Variants in NLGN1 observed in about 807,000 individuals in gnomAD.
The protein encoded by NLGN1 is neuroligin 1.
A neutral mutation model predicts 65.5 loss-of-function variants in NLGN1; 12 were observed. The ratio of observed to expected loss-of-function variants is 0.18; its 90% CI spans 0.12 to 0.30. The LOEUF (loss-of-function observed/expected upper bound fraction) is 0.30, where lower values mean the gene tolerates loss of function less well. Among genes scored for constraint, NLGN1 ranks in the 10% least tolerant of loss-of-function variants. The pLI, the probability that NLGN1 is intolerant of heterozygous loss-of-function variation, is 1.00. For synonymous variants in NLGN1, 350 were observed against 359.5 expected (o/e 0.97, Z 0.30); for missense variants, 750 against 1,007.1 (o/e 0.74, Z 3.46).
At chr3:173,614,513 C>T (rs1560053502) in intron 3 of NLGN1, among the ~76,000 whole-genome samples, 1 of 152,100 alleles carries the variant, frequency 6.6e-6, no homozygotes, top group Non-Finnish European at 1.5e-5. Flanking sequence ...TCTCAGCGCA[C>T]CATCTTTCCT....
chr3:174,142,034 C>A (rs1722376808), intron 4 of NLGN1, among the ~76,000 whole-genome samples: 1 of 152,028 alleles, frequency 6.6e-6, no homozygotes, highest in Non-Finnish European at 1.5e-5. Context: ...TCAACTTTCC[C>A]CCTACCCTCA....
intron 2 of NLGN1, among the ~76,000 whole-genome samples, chr3:173,454,328 G>A (rs1400355928): frequency 2.6e-5 from 4 of 152,124 alleles, no homozygotes; most frequent in South Asian, 4.1e-4. Context: ...TTAAGTCTCC[G>A]GTTGCATTAG....
chr3:173,494,122 A>AGTGTGTGT lies in NLGN1; in HGVS notation c.-321+59064_-321+59071dup, dbSNP rs63066860. On this transcript the variant is annotated intron_variant, in intron 2 of 6. Transcript: ENST00000457714. The stretch of plus-strand genomic sequence containing the variant: ...TTGTCAATATTTAGTGTTATAGGTG[A>AGTGTGTGT]GTGTGTGTGTGTGTGTGTGTGTGTG... 5.7e-4 allele frequency among the ~76,000 whole-genome samples: 84 copies of AGTGTGTGT among 147,954 alleles called. No homozygotes were observed. The South Asian group carries it at 9.1e-3, about 16-fold the overall frequency.
intron 4 of NLGN1, among the ~76,000 whole-genome samples, chr3:174,125,993 T>A (rs1049099749): frequency 1.3e-5 from 2 of 152,122 alleles, no homozygotes; most frequent in African/African-American, 4.8e-5. Context: ...AGTCTCACAG[T>A]GCAATAAGTA....
chr3:173,849,619 A>G (rs184878737), intron 4 of NLGN1, among the ~76,000 whole-genome samples: 57 of 152,326 alleles, frequency 3.7e-4, no homozygotes, highest in Middle Eastern at 3.4e-3. Flanking sequence ...GCTTATGCCA[A>G]TGCTAACTAC....
At chr3:173,969,749 T>C (rs1459454940) in intron 4 of NLGN1, among the ~76,000 whole-genome samples, 1 of 152,142 alleles carries the variant, frequency 6.6e-6, no homozygotes, top group Non-Finnish European at 1.5e-5. Context: ...ACATTTATTA[T>C]GAAAATCTGG....
At chr3:173,772,086 GT>G (rs1779673020) in intron 3 of NLGN1, among the ~76,000 whole-genome samples, 1 of 151,986 alleles carries the variant, frequency 6.6e-6, no homozygotes, top group Non-Finnish European at 1.5e-5. Context: ...AGTCACATGT[GT>G]TTTTCAATTA....
rs555950840 is a variant in NLGN1 at position 174,200,003 on chromosome 3, C to G, written c.647-75312C>G. On this transcript the variant is annotated intron_variant, in intron 4 of 6. Coordinates refer to ENST00000457714, the Ensembl canonical transcript of NLGN1. ...TTTCTGGACATCTAGGCCTGGAGAG[C>G]TCTCTCTGGAGAGTAGATTTAACAG... Among the ~76,000 whole-genome samples, 163 of 152,278 alleles carry G rather than the reference C, an allele frequency of 1.1e-3. 1 individual carries two copies. Among genetic ancestry groups the G allele is most frequent in the Non-Finnish European group, 1.4e-3 (94 of 68,024 alleles).
intron 4 of NLGN1, among the ~76,000 whole-genome samples, chr3:174,022,313 A>T (rs1727905311): frequency 6.6e-6 from 1 of 152,148 alleles, no homozygotes; most frequent in Admixed American, 6.6e-5. Context: ...TGTTACCGTG[A>T]CATAAACACT....
At chr3:173,673,351 T>C (rs1762706695) in intron 3 of NLGN1, among the ~76,000 whole-genome samples, 1 of 152,160 alleles carries the variant, frequency 6.6e-6, no homozygotes, top group African/African-American at 2.4e-5. Context: ...AAGAAGAAAA[T>C]AATGCCTTTC....
chr3:173,682,407 G>A (rs150700627), intron 3 of NLGN1, among the ~76,000 whole-genome samples: 2,206 of 151,862 alleles, frequency 0.015, 64 homozygotes, highest in African/African-American at 0.051. Flanking sequence ...GGCTAACATG[G>A]TGAAACCCCA....
rs2149643352 is a variant in NLGN1, at chr3:173,651,366, G to A, written c.493+46275G>A. ...TTACTTTTTTATTCGCTCATCTGTT[G>A]ATGGACAGTTAGGTTGATTCCATAT... On this transcript the variant is annotated intron_variant, in intron 3 of 6. Coordinates refer to ENST00000457714, the Ensembl canonical transcript of NLGN1. 1.3e-5 allele frequency among the ~76,000 whole-genome samples: 2 copies of A among 151,706 alleles called. 1 individual carries two copies. Among genetic ancestry groups the A allele is most frequent in the South Asian group, 4.2e-4 (2 of 4,808 alleles).
intron 2 of NLGN1, among the ~76,000 whole-genome samples, chr3:173,512,424 T>G (rs1733126981): frequency 6.6e-6 from 1 of 152,058 alleles, no homozygotes; most frequent in Non-Finnish European, 1.5e-5. Flanking sequence ...TCCCCTGAAG[T>G]CAAGCCACCT....
chr3:173,667,238 T>TGCACACACACACAC lies in NLGN1; in HGVS notation c.493+62148_493+62161dup, dbSNP rs1309014435. On this transcript the variant is annotated intron_variant, in intron 3 of 6. Transcript: ENST00000457714. ...ATTGCCATAATGAAACACACGCATATGCACACACACACACACACACACACA... is the reference window on the plus strand; with the variant it reads ...ATTGCCATAATGAAACACACGCATATGCACACACACACACGCACACACACACACACACACACACA... 8.4e-3 allele frequency among the ~76,000 whole-genome samples: 651 copies of TGCACACACACACAC among 77,706 alleles called. 8 individuals are homozygous for TGCACACACACACAC. The highest frequency in any genetic ancestry group is 0.041 in the African/African-American group (635 of 15,678). 51.0% of individuals were successfully genotyped at this position (77,706 alleles called of 152,430 possible).
chr3:173,454,305 C>G (rs746448185), intron 2 of NLGN1, among the ~76,000 whole-genome samples: 3 of 152,168 alleles, frequency 2.0e-5, no homozygotes, highest in Non-Finnish European at 4.4e-5. Context: ...GATAAATGAT[C>G]ACTGGTTTCA....
chr3:174,023,124 A>G (rs969638954), intron 4 of NLGN1, among the ~76,000 whole-genome samples: 1 of 152,180 alleles, frequency 6.6e-6, no homozygotes, highest in Non-Finnish European at 1.5e-5. Context: ...ATGAGACAAG[A>G]TAGACAATAT....
intron 3 of NLGN1, among the ~76,000 whole-genome samples, chr3:173,805,170 T>C (rs1716377574): frequency 6.6e-6 from 1 of 152,216 alleles, no homozygotes; most frequent in African/African-American, 2.4e-5. Context: ...TAAGGTTTGT[T>C]ATGTCCAAGA....
intron 2 of NLGN1, among the ~76,000 whole-genome samples, chr3:173,550,054 T>C (rs1740578550): frequency 6.6e-6 from 1 of 152,096 alleles, no homozygotes; most frequent in South Asian, 2.1e-4. Flanking sequence ...AAAAGTGTCA[T>C]GAATCCTGTT....
At chr3:174,116,233 C>T (rs1450760722) in intron 4 of NLGN1, among the ~76,000 whole-genome samples, 1 of 151,980 alleles carries the variant, frequency 6.6e-6, no homozygotes, top group Non-Finnish European at 1.5e-5. Flanking sequence ...ACCATCAACA[C>T]CACTCGTCAT....
Sources: allele counts gnomAD v4.1 joint callset (sites outside exome capture counted in the v4.1 genomes callset), GRCh38; gene constraint gnomAD v4.1.1; transcripts MANE v1.5; gene names NCBI Gene and HGNC (gene_info 2026-07-23, HGNC 2026-07-21).